Variants in CHMP2B observed in about 807,000 individuals in gnomAD.
The protein encoded by CHMP2B is charged multivesicular body protein 2B, also known as VPS2 homolog B.
In CHMP2B, 22 loss-of-function variants were observed where a neutral mutation model predicts 29.8. That is an observed-to-expected ratio of 0.74 (90% confidence interval 0.53 to 1.05). The LOEUF is 1.05. CHMP2B is among the 50% of genes least tolerant of loss of function. The pLI is 0.00. For synonymous variants in CHMP2B, 78 were observed against 75.8 expected, an observed-to-expected ratio of 1.03 and a Z score of -0.15; for missense variants, 261 against 252.2, an observed-to-expected ratio of 1.03 and a Z score of -0.24.
chr3:87,251,261 C>G (rs1286144673), intron 4 of CHMP2B, among the ~76,000 whole-genome samples: 1 of 151,782 alleles, frequency 6.6e-6, no homozygotes, highest in Non-Finnish European at 1.5e-5. Context: ...TACTTCAGGC[C>G]TTTAGTTTGA....
At chr3:87,242,686 A>G (rs920206276) in intron 2 of CHMP2B, among the ~76,000 whole-genome samples, 1 of 152,128 alleles carries the variant, frequency 6.6e-6, no homozygotes, top group Admixed American at 6.5e-5. Flanking sequence ...GCATATGGAA[A>G]GTCAGTTGTT....
At chr3:87,239,827 C>CT (rs1200674289) in intron 1 of CHMP2B, among the ~76,000 whole-genome samples, 20 of 152,228 alleles carry the variant, frequency 1.3e-4, no homozygotes, top group Middle Eastern at 3.4e-3. Context: ...CCTTACTATC[C>CT]TTTTTTATGA....
chr3:87,242,154 T>A (rs538385936), intron 2 of CHMP2B, among the ~76,000 whole-genome samples: 1 of 152,282 alleles, frequency 6.6e-6, no homozygotes, highest in South Asian at 2.1e-4. Context: ...TTTTCTTACT[T>A]AGTTACAATA....
At chr3:87,252,254 CCAGGAG>C (rs1706328445) in intron 4 of CHMP2B, among the ~76,000 whole-genome samples, 2 of 151,846 alleles carry the variant, frequency 1.3e-5, no homozygotes, top group Admixed American at 1.3e-4. Context: ...AGCCTATTTG[CCAGGAG>C]CCCCAGTTAC....
chr3:87,246,921 A>G (rs1706224035), intron 3 of CHMP2B, among the ~76,000 whole-genome samples: 1 of 152,200 alleles, frequency 6.6e-6, no homozygotes, highest in Admixed American at 6.5e-5. Context: ...AACTGCACAG[A>G]CCTTTGAGTA....
At position 87,253,769 on chromosome 3, in the gene CHMP2B, A is replaced by G. The variant is rs761691146; in HGVS notation, c.589A>G (p.Thr197Ala). 18 of 1,612,442 alleles carry G rather than the reference A, an allele frequency of 1.1e-5. No homozygotes were observed. The East Asian group carries it at 2.0e-4, about 18-fold the overall frequency. Residue 197 changes from threonine to alanine, a missense_variant, in exon 6 of 6, where the codon ACA (threonine) becomes GCA (alanine). Coordinates refer to ENST00000263780, the MANE Select transcript of CHMP2B (RefSeq NM_014043.4). ...SLPSASTSKA[T>A]ISDEEIERQL... ...ACCATCTGCCTCTACTTCAAAGGCTACAATCTCAGATGAAGAGATTGAACG... is the reference window on the plus strand; with the variant it reads ...ACCATCTGCCTCTACTTCAAAGGCTGCAATCTCAGATGAAGAGATTGAACG...
At chr3:87,237,956 A>G (rs970842136) in intron 1 of CHMP2B, among the ~76,000 whole-genome samples, 5 of 152,192 alleles carry the variant, frequency 3.3e-5, no homozygotes, top group African/African-American at 1.2e-4. Context: ...GGTAGAATAA[A>G]TACCTCATTA....
chr3:87,246,236 C>T (rs1173050284), intron 3 of CHMP2B, among the ~76,000 whole-genome samples: 1 of 151,954 alleles, frequency 6.6e-6, no homozygotes, highest in Non-Finnish European at 1.5e-5. Flanking sequence ...CTCCTGGATT[C>T]AAGTGATTCT....
chr3:87,241,148 T>C (rs1043254503), intron 2 of CHMP2B, among the ~76,000 whole-genome samples: 5 of 152,192 alleles, frequency 3.3e-5, no homozygotes, highest in African/African-American at 1.2e-4. Flanking sequence ...TTACATTAAC[T>C]CATAGGAGTC....
At chr3:87,235,598 A>T (rs1248934457) in intron 1 of CHMP2B, among the ~76,000 whole-genome samples, 1 of 152,212 alleles carries the variant, frequency 6.6e-6, no homozygotes, top group Non-Finnish European at 1.5e-5. Flanking sequence ...ACATATAGTT[A>T]CATTATATTG....
In CHMP2B at chr3:87,254,156, G is replaced by T. The variant is rs1706362890; in HGVS notation, c.*334G>T. The T allele has an allele frequency of 8.4e-6, 2 of 237,274 alleles. No homozygotes were observed. The highest frequency in any genetic ancestry group is 1.1e-4 in the South Asian group (2 of 18,380). 14.7% of individuals were successfully genotyped at this position (237,274 alleles called of 1,614,324 possible). A position where few individuals can be genotyped will look rare whatever the true frequency, so the allele number is the denominator to read the frequency against. ...CTTTTTCACTGAATATAAAAATCTT[G>T]TTAAATGCCATTAGGCACCAACTTA... is the stretch of plus-strand genomic sequence containing the variant. On this transcript the variant is annotated 3_prime_UTR_variant, in exon 6 of 6. Transcript: ENST00000263780.
intron 4 of CHMP2B, among the ~76,000 whole-genome samples, chr3:87,250,263 A>G (rs1175709043): frequency 2.0e-5 from 3 of 151,894 alleles, no homozygotes; most frequent in African/African-American, 7.2e-5. Context: ...AGTTATGTCA[A>G]CTCTTTGATA....
In CHMP2B at chr3:87,247,358, T is replaced by C. The variant is rs117072797; in HGVS notation, c.321+1450T>C. Among the ~76,000 whole-genome samples the C allele has an allele frequency of 2.5e-3, 386 of 152,300 alleles. 3 individuals are homozygous for C. The highest frequency in any genetic ancestry group is 2.3e-3 in the East Asian group (12 of 5,184). On this transcript the variant is annotated intron_variant, in intron 3 of 5. Coordinates refer to ENST00000263780, the MANE Select transcript of CHMP2B (RefSeq NM_014043.4). ...CAAAGCTTATCTAACGTGTATTTTC[T>C]CCATAAAGCACATCATGTCCTTCTT...
In CHMP2B at chr3:87,245,709, C is replaced by T; in HGVS notation, c.127-5C>T. 1.9e-6 allele frequency: 3 copies of T among 1,609,718 alleles called. No homozygotes were observed. Among genetic ancestry groups the T allele is most frequent in the African/African-American group, 1.3e-5 (1 of 74,830 alleles). The stretch of plus-strand genomic sequence containing the variant: ...TTATTTTCTTTTGTTTGTTTCTTCT[C>T]TTAGGAATTAGAAATTAAGAAAATG... On this transcript the variant is annotated splice_region_variant and splice_polypyrimidine_tract_variant and intron_variant, in intron 2 of 5. Transcript: ENST00000263780.
Position 87,249,988 on chromosome 3 carries a change from T to A in CHMP2B, c.424+11T>A. ...TGACTGAAGAAATGAGTAAGTTTAA[T>A]AAATTATAATGAAATTTATAGTTTT... On this transcript the variant is annotated intron_variant, in intron 4 of 5. Transcript: ENST00000263780. 1 of 1,424,492 alleles carries A rather than the reference T, an allele frequency of 7.0e-7. No homozygotes were observed. Among genetic ancestry groups the A allele is most frequent in the Non-Finnish European group, 9.9e-7 (1 of 1,013,584 alleles). 88.2% of individuals were successfully genotyped at this position (1,424,492 alleles called of 1,614,324 possible).
intron 3 of CHMP2B, among the ~76,000 whole-genome samples, chr3:87,249,608 G>A (rs78033880): frequency 6.6e-6 from 1 of 151,934 alleles, no homozygotes. Context: ...AGGATTTTAT[G>A]CTGATAATGT....
chr3:87,235,843 A>C (rs1206631962), intron 1 of CHMP2B, among the ~76,000 whole-genome samples: 1 of 152,190 alleles, frequency 6.6e-6, no homozygotes, highest in African/African-American at 2.4e-5. Context: ...TGAAAGACGC[A>C]GATTGTGCTT....
intron 5 of CHMP2B, 27 bp from the exon 6 acceptor site, chr3:87,253,685 G>A (rs751511498): frequency 1.6e-5 from 26 of 1,582,742 alleles, no homozygotes; most frequent in Middle Eastern, 1.7e-4. Context: ...CCTAATGCAC[G>A]TTTGTCTTTT....
intron 2 of CHMP2B, among the ~76,000 whole-genome samples, chr3:87,243,904 C>T (rs1706165504): frequency 6.6e-6 from 1 of 150,852 alleles, no homozygotes; most frequent in African/African-American, 2.4e-5. Context: ...TCATCATCAG[C>T]CTGGCTAGTG....
Sources: gnomAD v4.1 joint callset for allele counts (sites outside exome capture counted in the v4.1 genomes callset) on GRCh38, gnomAD v4.1.1 for gene constraint, MANE v1.5 for transcripts, NCBI Gene and HGNC (gene_info 2026-07-23, HGNC 2026-07-21) for gene names.